The following SLC26A9 variants were observed in gnomAD, a reference collection of about 807,000 sequenced individuals.
SLC26A9 encodes the protein solute carrier family 26 member 9.
In SLC26A9, 46 loss-of-function variants were observed where a neutral mutation model predicts 87.1. The ratio of observed to expected loss-of-function variants is 0.53; its 90% CI spans 0.42 to 0.67. SLC26A9 has a LOEUF of 0.67. SLC26A9 is among the 30% of genes least tolerant of loss of function. The probability of loss-of-function intolerance (pLI) is 0.00; values close to 1 mark genes in which losing one functional copy is unlikely to be tolerated. For missense variants in SLC26A9, 927 were observed against 1,018.3 expected (o/e 0.91, Z 1.22); for synonymous variants, 437 against 409.1 (o/e 1.07, Z -0.82).
Position 205,923,406 on chromosome 1 carries a change from T to G in SLC26A9, c.1588A>C (p.Lys530Gln), listed in dbSNP as rs1317691520. 2 of 1,614,222 alleles carry G rather than the reference T, an allele frequency of 1.2e-6. No homozygotes were observed. The highest frequency in any genetic ancestry group is 4.5e-5 in the East Asian group (2 of 44,888). The change falls in exon 15 of 21, where the codon AAA (lysine) becomes CAA (glutamine). Residue 530 changes from lysine (K) to glutamine (Q), a missense_variant. Lys to Gln is a moderately conservative substitution (Grantham distance 53). Transcript: ENST00000367135. ...AGAGGGGAGCAGTACGTGATGATTTTAATCCCCTGGATATCCTGGGCCTGT... is the reference window on the plus strand; with the variant it reads ...AGAGGGGAGCAGTACGTGATGATTTGAATCCCCTGGATATCCTGGGCCTGT... ...YNRAQDIQGI[K>Q]IITYCSPLYF...
At chr1:205,915,547 T>TGTGTGA (rs1188529665) in intron 20 of SLC26A9, 143 bp from the exon 21 acceptor site, 5 of 923,168 alleles carry the variant, frequency 5.4e-6, no homozygotes, top group Non-Finnish European at 8.0e-6. Flanking sequence ...TGTGTGTGTG[T>TGTGTGA]GCGAGAGTGT....
At chr1:205,939,141 C>T (rs548375908) in intron 1 of SLC26A9, among the ~76,000 whole-genome samples, 1 of 152,334 alleles carries the variant, frequency 6.6e-6, no homozygotes, top group Non-Finnish European at 1.5e-5. Flanking sequence ...AAGAGGAGAA[C>T]CCAGCAGCCA....
Position 205,915,104 on chromosome 1 carries a change from G to A in SLC26A9, c.*253C>T, listed in dbSNP as rs1658524370. 1 of 1,614,088 alleles carries A rather than the reference G, an allele frequency of 6.2e-7. No homozygotes were observed. Among genetic ancestry groups the A allele is most frequent in the Non-Finnish European group, 8.5e-7 (1 of 1,179,968 alleles). On this transcript the variant is annotated 3_prime_UTR_variant, in exon 21 of 21. Coordinates refer to ENST00000367135, the MANE Select transcript of SLC26A9 (RefSeq NM_052934.4). ...GCAGGAGGCTTGTCCATTGCGGCCA[G>A]GGCCTGACGGGTGAAGAGTGGGCTC...
intron 6 of SLC26A9, 66 bp downstream of exon 6, chr1:205,929,826 A>G: frequency 6.6e-7 from 1 of 1,507,880 alleles, no homozygotes; most frequent in African/African-American, 1.4e-5. Flanking sequence ...ATCTTAAAAC[A>G]GTACATCCTC....
rs1031980693 is a variant in SLC26A9 at position 205,914,088 on chromosome 1, A to G, written c.*1269T>C. The G allele has an allele frequency of 6.6e-6, 1 of 152,220 alleles. No individual in the cohort carries two copies. The highest frequency in any genetic ancestry group is 2.4e-5 in the African/African-American group (1 of 41,446). The allele number at this position is 152,220 out of a possible 1,614,324, so 9.4% of individuals were successfully genotyped here. ...GGTTCCTCTCAATACCTCCTTGTAC[A>G]TATGGAAAACTTAACCCCTATTTTC... On this transcript the variant is annotated 3_prime_UTR_variant, in exon 21 of 21. Coordinates refer to ENST00000367135, the MANE Select transcript of SLC26A9 (RefSeq NM_052934.4).
intron 16 of SLC26A9, 111 bp from the exon 17 acceptor site, chr1:205,921,958 C>T (rs1338163114): frequency 2.1e-5 from 28 of 1,343,908 alleles, no homozygotes; most frequent in South Asian, 8.5e-5. Context: ...TAACTCGCCT[C>T]GGTGATGGTG....
At chr1:205,915,470 G>C in intron 20 of SLC26A9, 66 bp from the exon 21 acceptor site, 6 of 1,608,626 alleles carry the variant, frequency 3.7e-6, no homozygotes, top group Non-Finnish European at 5.1e-6. Context: ...GGTCACAGTG[G>C]CTGCAACCAA....
rs12759719 is a variant in SLC26A9 at position 205,921,551 on chromosome 1, T to C, written c.2055+15A>G. 0.91 allele frequency: 1,449,793 copies of C among 1,599,470 alleles called. 657,383 individuals carry two copies. The highest frequency in any genetic ancestry group is 0.94 in the Admixed American group (56,116 of 59,600). ...GGGTGGAGTGGGTGGTGCTTGCTGTTCCCGAGGGCCTCACCTTGGCCAGGG... is the reference window on the plus strand; with the variant it reads ...GGGTGGAGTGGGTGGTGCTTGCTGTCCCCGAGGGCCTCACCTTGGCCAGGG... On this transcript the variant is annotated intron_variant, in intron 17 of 20. Transcript: ENST00000367135.
rs1003300017 is a variant in SLC26A9 at position 205,914,800 on chromosome 1, G to A, written c.*557C>T. On this transcript the variant is annotated 3_prime_UTR_variant, in exon 21 of 21. Transcript: ENST00000367135. ...GTTACCAAGGCCTAGACTCCTGGGT[G>A]TGGAGAGCACATGGTCCCTGGGTGC... 3.4e-6 allele frequency: 5 copies of A among 1,486,908 alleles called. No individual in the cohort carries two copies. Among genetic ancestry groups the A allele is most frequent in the Admixed American group, 4.0e-5 (2 of 50,004 alleles). The allele number at this position is 1,486,908 out of a possible 1,614,324, so 92.1% of individuals were successfully genotyped here.
chr1:205,942,242 G>A (rs1347467876), intron 1 of SLC26A9, among the ~76,000 whole-genome samples: 1 of 152,258 alleles, frequency 6.6e-6, no homozygotes, highest in East Asian at 1.9e-4. Context: ...GCTCTGGGAA[G>A]TGCCTGGGAA....
At position 205,917,407 on chromosome 1, in the gene SLC26A9, T is replaced by C. The variant is rs1256856140; in HGVS notation, c.2257-53A>G. ...GAGCTTCAGTGACTGAACAGCAAAG[T>C]TGGTGCATGGTGGCAGGAAAAGGGA... On this transcript the variant is annotated intron_variant, in intron 19 of 20. Transcript: ENST00000367135. The C allele has an allele frequency of 5.7e-6, 9 of 1,592,358 alleles. No individual in the cohort carries two copies. In the South Asian group the frequency reaches 6.6e-5, roughly 12 times the overall value.
At chr1:205,920,102 C>T in intron 18 of SLC26A9, 74 bp downstream of exon 18, 2 of 1,575,638 alleles carry the variant, frequency 1.3e-6, no homozygotes, top group Non-Finnish European at 8.7e-7. Context: ...CCTCACTATT[C>T]AGACCCCACC....
At chr1:205,917,623 T>C (rs537042221) in intron 19 of SLC26A9, among the ~76,000 whole-genome samples, 5 of 152,250 alleles carry the variant, frequency 3.3e-5, no homozygotes, top group South Asian at 2.1e-4. Flanking sequence ...AGAAAAACTA[T>C]TGGCTAGCTG....
rs41264909 is a variant in SLC26A9 at position 205,928,738 on chromosome 1, T to C, written c.953+89A>G. Reference sequence around the variant, plus strand: ...TCATACAGTTTCGACTGCACTTTCATAGAGTTCATCTTGTCTCCCTCTCCG... The same window carrying C: ...TCATACAGTTTCGACTGCACTTTCACAGAGTTCATCTTGTCTCCCTCTCCG... On this transcript the variant is annotated intron_variant, in intron 8 of 20. Coordinates refer to ENST00000367135, the MANE Select transcript of SLC26A9 (RefSeq NM_052934.4). 4.4e-3 allele frequency: 5,487 copies of C among 1,251,424 alleles called. 36 individuals are homozygous for C. The highest frequency in any genetic ancestry group is 0.03 in the African/African-American group (2,023 of 67,728). The allele number at this position is 1,251,424 out of a possible 1,614,324, so 77.5% of individuals were successfully genotyped here.
At chr1:205,916,861 G>A (rs922096285) in intron 20 of SLC26A9, among the ~76,000 whole-genome samples, 7 of 152,222 alleles carry the variant, frequency 4.6e-5, no homozygotes, top group African/African-American at 1.7e-4. Context: ...AGGCACTTAG[G>A]AGACCGAGGC....
chr1:205,924,347 G>A (rs372002498), intron 13 of SLC26A9, 36 bp downstream of exon 13: 36 of 1,596,082 alleles, frequency 2.3e-5, no homozygotes, highest in African/African-American at 8.0e-5. Flanking sequence ...CCAGGGAACC[G>A]ACTGTGGGCC....
chr1:205,930,915 T>C (rs1205458217), intron 5 of SLC26A9, among the ~76,000 whole-genome samples: 2 of 152,216 alleles, frequency 1.3e-5, no homozygotes, highest in African/African-American at 4.8e-5. Flanking sequence ...ACTTTGCTGC[T>C]TATCTCACTG....
Position 205,914,756 on chromosome 1 carries a change from G to T in SLC26A9, c.*601C>A. ...TGGTGGTTTGGGCAGCCTTGGGGAT[G>T]ATGGAGGGGGGGCGCATAGTTACCA... On this transcript the variant is annotated 3_prime_UTR_variant, in exon 21 of 21. Coordinates refer to ENST00000367135, the MANE Select transcript of SLC26A9 (RefSeq NM_052934.4). 9.0e-7 allele frequency: 1 copy of T among 1,114,168 alleles called. No homozygotes were observed. 69.0% of individuals were successfully genotyped at this position (1,114,168 alleles called of 1,614,324 possible).
At chr1:205,940,047 T>G (rs1025532363) in intron 1 of SLC26A9, among the ~76,000 whole-genome samples, 1 of 151,840 alleles carries the variant, frequency 6.6e-6, no homozygotes, top group Non-Finnish European at 1.5e-5. Context: ...GGGGGGCAGG[T>G]CCTAAAGAGC....
Sources: allele counts gnomAD v4.1 joint callset (sites outside exome capture counted in the v4.1 genomes callset), GRCh38; gene constraint gnomAD v4.1.1; transcripts MANE v1.5; gene names NCBI Gene and HGNC (gene_info 2026-07-23, HGNC 2026-07-21).